The following PTPRM variants were observed in gnomAD, a reference collection of about 807,000 sequenced individuals.
PTPRM encodes receptor-type tyrosine-protein phosphatase mu.
Under a neutral mutation model 186.7 loss-of-function variants are expected in PTPRM, and 47 were observed. That is an observed-to-expected ratio of 0.25 (90% CI 0.20 to 0.32). PTPRM has a LOEUF of 0.32. PTPRM is among the 10% of genes least tolerant of loss of function. The pLI is 1.00. For synonymous variants in PTPRM, 668 were observed against 674.9 expected, an observed-to-expected ratio of 0.99 and a Z score of 0.16; for missense variants, 1,494 against 1,865.0, an observed-to-expected ratio of 0.80 and a Z score of 3.66.
chr18:7,973,512 G>A (rs1371644744), intron 7 of PTPRM, among the ~76,000 whole-genome samples: 1 of 152,144 alleles, frequency 6.6e-6, no homozygotes, highest in East Asian at 1.9e-4. Flanking sequence ...TTCTTCCTCA[G>A]CAAATTGTCC....
intron 1 of PTPRM, among the ~76,000 whole-genome samples, chr18:7,597,209 T>C (rs1307171617): frequency 6.6e-6 from 1 of 152,110 alleles, no homozygotes; most frequent in Non-Finnish European, 1.5e-5. Flanking sequence ...TGTGTGCACA[T>C]GTGTGGTAAA....
intron 14 of PTPRM, among the ~76,000 whole-genome samples, chr18:8,187,322 C>A (rs139628076): frequency 6.6e-6 from 1 of 152,240 alleles, no homozygotes; most frequent in African/African-American, 2.4e-5. Flanking sequence ...GTGGAAGCAA[C>A]ATCTGTCTTG....
chr18:7,866,058 A>G (rs1245719886), intron 2 of PTPRM, among the ~76,000 whole-genome samples: 4 of 151,900 alleles, frequency 2.6e-5, no homozygotes, highest in Non-Finnish European at 5.9e-5. Flanking sequence ...TATTGCTTCC[A>G]TTTGATTCTT....
chr18:8,382,399 G>A (rs1197864864), intron 29 of PTPRM, among the ~76,000 whole-genome samples: 1 of 152,032 alleles, frequency 6.6e-6, no homozygotes, highest in Admixed American at 6.5e-5. Context: ...TGGGCAGAAC[G>A]GTTCAGATGT....
chr18:7,735,843 A>ATTTTTTTTTTT (rs35328733), intron 1 of PTPRM, among the ~76,000 whole-genome samples: 1 of 141,478 alleles, frequency 7.1e-6, no homozygotes, highest in African/African-American at 2.6e-5. Context: ...AAAGTCAAGC[A>ATTTTTTTTTTT]TTTTTTTTTT....
intron 1 of PTPRM, among the ~76,000 whole-genome samples, chr18:7,581,343 C>G (rs1314631338): frequency 6.6e-6 from 1 of 152,114 alleles, no homozygotes; most frequent in Non-Finnish European, 1.5e-5. Flanking sequence ...ACAACTCACT[C>G]CTGTGATTGG....
chr18:7,823,219 C>T (rs1479333978), intron 2 of PTPRM, among the ~76,000 whole-genome samples: 1 of 152,194 alleles, frequency 6.6e-6, no homozygotes, highest in Non-Finnish European at 1.5e-5. Flanking sequence ...CCTGCAGAGA[C>T]ACAGAATAGA....
intron 1 of PTPRM, among the ~76,000 whole-genome samples, chr18:7,669,331 G>A (rs1287226148): frequency 6.6e-6 from 1 of 152,150 alleles, no homozygotes; most frequent in Non-Finnish European, 1.5e-5. Flanking sequence ...AGCCACACAT[G>A]TGGCTTGGGT....
At chr18:8,156,838 C>A (rs201137770) in intron 14 of PTPRM, among the ~76,000 whole-genome samples, 1 of 151,930 alleles carries the variant, frequency 6.6e-6, no homozygotes, top group African/African-American at 2.4e-5. Context: ...TAAATAAATG[C>A]TTTTTTCGTA....
At chr18:7,826,949 TAAATA>T (rs1567877903) in intron 2 of PTPRM, among the ~76,000 whole-genome samples, 1 of 151,532 alleles carries the variant, frequency 6.6e-6, no homozygotes, top group East Asian at 2.0e-4. Context: ...AAAAAATAAA[TAAATA>T]AGCCAGCTGT....
At chr18:7,776,981 T>TTTC (rs10657970) in intron 2 of PTPRM, among the ~76,000 whole-genome samples, 102,110 of 151,698 alleles carry the variant, frequency 0.67, 36,256 homozygotes, top group East Asian at 0.98. Context: ...TCACCTTCTT[T>TTTC]TTCTTCTCCT....
intron 2 of PTPRM, among the ~76,000 whole-genome samples, chr18:7,778,599 C>G (rs1428634551): frequency 2.0e-5 from 3 of 152,134 alleles, no homozygotes; most frequent in Non-Finnish European, 4.4e-5. Flanking sequence ...CCTGCCTCAG[C>G]CTCCCGAGTA....
At chr18:7,772,569 G>A (rs948717059) in intron 1 of PTPRM, among the ~76,000 whole-genome samples, 1 of 150,534 alleles carries the variant, frequency 6.6e-6, no homozygotes, top group Non-Finnish European at 1.5e-5. Context: ...AAGAAGCAGA[G>A]TTTGGCCCTT....
chr18:7,868,532 A>C (rs2047827378), intron 2 of PTPRM, among the ~76,000 whole-genome samples: 1 of 152,230 alleles, frequency 6.6e-6, no homozygotes, highest in African/African-American at 2.4e-5. Context: ...TGGAGGCTGC[A>C]GAACAGCAAA....
chr18:7,772,351 CTT>C (rs1302825263), intron 1 of PTPRM, among the ~76,000 whole-genome samples: 4 of 14,370 alleles, frequency 2.8e-4, no homozygotes, highest in East Asian at 6.9e-3. Context: ...CTTTCTTTCT[CTT>C]TCTTTCTTTC....
intron 14 of PTPRM, among the ~76,000 whole-genome samples, chr18:8,227,641 T>G (rs763757171): frequency 2.0e-5 from 3 of 152,204 alleles, no homozygotes; most frequent in Non-Finnish European, 2.9e-5. Flanking sequence ...TTAGCGAGTT[T>G]AACAAACATC....
At chr18:8,226,008 C>T (rs1284372723) in intron 14 of PTPRM, among the ~76,000 whole-genome samples, 1 of 152,030 alleles carries the variant, frequency 6.6e-6, no homozygotes, top group African/African-American at 2.4e-5. Context: ...GGAATATAGG[C>T]TGAATAACAT....
chr18:7,990,583 A>G (rs571050582), intron 7 of PTPRM, among the ~76,000 whole-genome samples: 325 of 152,298 alleles, frequency 2.1e-3, no homozygotes, highest in African/African-American at 7.6e-3. Flanking sequence ...GGTTATTTTT[A>G]TGATTCAGGA....
chr18:7,756,717 G>A (rs1038290050), intron 1 of PTPRM, among the ~76,000 whole-genome samples: 3 of 152,168 alleles, frequency 2.0e-5, no homozygotes, highest in African/African-American at 7.2e-5. Flanking sequence ...TAAGGAAAAT[G>A]TGCCTCTTAG....
Sources: allele counts gnomAD v4.1 joint callset (sites outside exome capture counted in the v4.1 genomes callset), GRCh38; gene constraint gnomAD v4.1.1; transcripts MANE v1.5; gene names NCBI Gene and HGNC (gene_info 2026-07-23, HGNC 2026-07-21).